Variants in MACF1 observed in about 807,000 individuals in gnomAD.
MACF1 encodes the protein microtubule actin crosslinking factor 1.
Under a neutral mutation model 854.8 loss-of-function variants are expected in MACF1, and 193 were observed. The ratio of observed to expected loss-of-function variants is 0.23; its 90% CI spans 0.20 to 0.25. The LOEUF is 0.25. Ranked by LOEUF, MACF1 falls within the 10% of genes least tolerant of loss-of-function variation. The pLI is 1.00. For synonymous variants in MACF1, 3,185 were observed against 3,226.7 expected (o/e 0.99, Z 0.44); for missense variants, 7,722 against 8,929.1 (o/e 0.86, Z 5.45).
chr1:39,273,654 G>A (rs1048317559), intron 6 of MACF1, among the ~76,000 whole-genome samples: 7 of 151,680 alleles, frequency 4.6e-5, no homozygotes, highest in South Asian at 4.2e-4. Context: ...GCTGGAATGC[G>A]GTGGCCCTAC....
intron 26 of MACF1, 55 bp downstream of exon 26, chr1:39,311,055 C>A: frequency 1.3e-6 from 2 of 1,561,996 alleles, no homozygotes; most frequent in South Asian, 2.4e-5. Flanking sequence ...TTTCAGAGTT[C>A]ATTGGATGGC....
At chr1:39,411,905 A>G (rs1489006544) in intron 58 of MACF1, 1 of 1,613,970 alleles carries the variant, frequency 6.2e-7, no homozygotes, top group Non-Finnish European at 8.5e-7. Context: ...GATTCTTCTC[A>G]GGTGCCTAAT....
In MACF1 at chr1:39,421,432, G is replaced by A. The variant is rs528183335; in HGVS notation, c.15817-942G>A. On this transcript the variant is annotated intron_variant, in intron 58 of 100. Transcript: ENST00000564288. ...TTAAGGACATTTCCCAACGTTACTG[G>A]CCCATTTCCCTTTGTAATCAGAGGA... Among the ~76,000 whole-genome samples the A allele has an allele frequency of 4.3e-4, 65 of 152,090 alleles. 1 individual carries two copies. Among genetic ancestry groups the A allele is most frequent in the Non-Finnish European group, 1.6e-4 (11 of 68,016 alleles).
At chr1:39,251,723 G>T (rs1645042086) in intron 3 of MACF1, 123 bp from the exon 4 acceptor site, 2 of 464,628 alleles carry the variant, frequency 4.3e-6, no homozygotes, top group Non-Finnish European at 7.2e-6. Flanking sequence ...TTTTTCGGAG[G>T]TGGGAGGGTA....
chr1:39,088,059 G>T (rs541947154), intron 2 of MACF1, among the ~76,000 whole-genome samples: 1 of 151,830 alleles, frequency 6.6e-6, no homozygotes, highest in African/African-American at 2.4e-5. Context: ...TGCAGGCTCC[G>T]CCCCCTGGTT....
intron 95 of MACF1, among the ~76,000 whole-genome samples, chr1:39,465,339 T>G (rs376969371): frequency 8.5e-4 from 129 of 152,312 alleles, no homozygotes; most frequent in African/African-American, 3.1e-3. Flanking sequence ...TGGAGGAAAG[T>G]GAAGCTATGG....
At chr1:39,445,548 G>A (rs12069020) in intron 80 of MACF1, among the ~76,000 whole-genome samples, 3,617 of 152,286 alleles carry the variant, frequency 0.024, 128 homozygotes, top group African/African-American at 0.082. Flanking sequence ...TTAATGAACA[G>A]AAGGGCATAA....
At chr1:39,269,755 T>A in intron 6 of MACF1, 1 of 1,263,284 alleles carries the variant, frequency 7.9e-7, no homozygotes, top group Non-Finnish European at 1.0e-6. Flanking sequence ...ATCAAACTGC[T>A]GTTTGGATTC....
chr1:39,448,212 G>T, intron 83 of MACF1, 60 bp downstream of exon 83: 4 of 1,529,606 alleles, frequency 2.6e-6, no homozygotes, highest in Non-Finnish European at 3.5e-6. Context: ...CTTGTATCTT[G>T]CCAAAAATAA....
At chr1:39,233,537 CCAT>C (rs1377375715) in intron 2 of MACF1, among the ~76,000 whole-genome samples, 3 of 152,124 alleles carry the variant, frequency 2.0e-5, no homozygotes, top group African/African-American at 7.2e-5. Context: ...TTCTTTTCCT[CCAT>C]GGGCCAATTG....
At chr1:39,275,145 C>A (rs576620383) in intron 6 of MACF1, among the ~76,000 whole-genome samples, 77 of 149,228 alleles carry the variant, frequency 5.2e-4, no homozygotes, top group Non-Finnish European at 9.3e-4. Context: ...GTGGCGCGAT[C>A]TCGGCTCGCT....
chr1:39,284,991 T>C, intron 11 of MACF1, 92 bp from the exon 12 acceptor site: 5 of 1,511,146 alleles, frequency 3.3e-6, no homozygotes, highest in Admixed American at 1.9e-5. Flanking sequence ...AATGGCTGGG[T>C]AAAGAAGCAA....
chr1:39,179,033 G>A (rs1377639562), intron 2 of MACF1, among the ~76,000 whole-genome samples: 1 of 152,204 alleles, frequency 6.6e-6, no homozygotes, highest in East Asian at 1.9e-4. Context: ...CAGTGATTAA[G>A]TGATATTTTA....
chr1:39,297,061 C>T (rs1645935357), intron 20 of MACF1, among the ~76,000 whole-genome samples: 1 of 151,800 alleles, frequency 6.6e-6, no homozygotes, highest in Non-Finnish European at 1.5e-5. Context: ...ATAGCTGGGA[C>T]TACAGGCGCC....
intron 89 of MACF1, among the ~76,000 whole-genome samples, chr1:39,455,409 A>G (rs1390922240): frequency 1.3e-5 from 2 of 152,302 alleles, no homozygotes; most frequent in African/African-American, 4.8e-5. Context: ...ATCCTGGTGG[A>G]TGTAAGACTG....
chr1:39,434,563 A>G lies in MACF1; in HGVS notation c.17715A>G (p.Ala5905=), dbSNP rs1358454044. ...ELSPWIEETR[A]LIAQLPSPAI... The stretch of plus-strand genomic sequence containing the variant: ...GCCCCTGGATTGAGGAAACTCGGGC[A>G]CTAATAGCACAGTTACCCTCTCCAG... Residue 5905 remains alanine, a synonymous_variant, in exon 69 of 101, where the codon GCA becomes GCG. Coordinates refer to ENST00000564288, the MANE Select transcript of MACF1 (RefSeq NM_001394062.1). The G allele has an allele frequency of 1.3e-5, 21 of 1,614,204 alleles. No homozygotes were observed. Among genetic ancestry groups the G allele is most frequent in the East Asian group, 2.2e-5 (1 of 44,882 alleles).
At chr1:39,277,745 T>C (rs1483842723) in intron 6 of MACF1, among the ~76,000 whole-genome samples, 1 of 152,248 alleles carries the variant, frequency 6.6e-6, no homozygotes, top group East Asian at 1.9e-4. Context: ...TGTCACAACA[T>C]TGATCTCTTT....
chr1:39,461,101 A>G (rs967552005), intron 92 of MACF1, among the ~76,000 whole-genome samples: 7 of 151,682 alleles, frequency 4.6e-5, no homozygotes, highest in Non-Finnish European at 1.0e-4. Flanking sequence ...AAAAAAAAAA[A>G]GACAGTGGTT....
intron 22 of MACF1, among the ~76,000 whole-genome samples, chr1:39,302,344 C>G (rs1646065982): frequency 6.6e-6 from 1 of 151,920 alleles, no homozygotes; most frequent in South Asian, 2.1e-4. Context: ...AGTAGACACT[C>G]AAGAAATATG....
Sources: gnomAD v4.1 joint callset for allele counts (sites outside exome capture counted in the v4.1 genomes callset) on GRCh38, gnomAD v4.1.1 for gene constraint, MANE v1.5 for transcripts, NCBI Gene and HGNC (gene_info 2026-07-23, HGNC 2026-07-21) for gene names.